Variants in DNAJB12 observed in about 807,000 individuals in gnomAD.
DNAJB12 encodes DnaJ heat shock protein family (Hsp40) member B12.
A neutral mutation model predicts 40.6 loss-of-function variants in DNAJB12; 14 were observed. The ratio of observed to expected loss-of-function variants is 0.34; its 90% CI spans 0.23 to 0.54. The LOEUF (loss-of-function observed/expected upper bound fraction) is 0.54. DNAJB12 is among the 20% of genes least tolerant of loss of function. DNAJB12 has a pLI of 0.92. For synonymous variants in DNAJB12, 181 were observed against 199.5 expected (o/e 0.91, Z 0.78); for missense variants, 444 against 501.7 (o/e 0.89, Z 1.10).
Position 72,341,102 on chromosome 10 carries a change from C to T in DNAJB12, c.526G>A (p.Asp176Asn). 6.2e-7 allele frequency: 1 copy of T among 1,614,194 alleles called. No individual in the cohort carries two copies. The change falls in exon 4 of 9, where the codon GAC becomes AAC. Residue 176 changes from aspartate (D) to asparagine (N), a missense_variant. Asp to Asn is a conservative substitution (Grantham distance 23, BLOSUM62 1). Transcript: ENST00000444643. Reference protein sequence around the residue: ...KRKQYDQFGDDKSQAARHGHG... With the variant: ...KRKQYDQFGDNKSQAARHGHG... ...CCGTGCCGGGCCGCCTGGCTCTTGT[C>T]ATCGCCGAACTGGTCATACTGCTTC...
At chr10:72,354,690 T>G in intron 1 of DNAJB12, 75 bp downstream of exon 1, 5 of 1,134,884 alleles carry the variant, frequency 4.4e-6, no homozygotes, top group Non-Finnish European at 6.3e-6. Context: ...CTCCCCCAAC[T>G]GCTCCCGTCG....
Position 72,345,569 on chromosome 10 carries a change from CAAAAAAAAA to C in DNAJB12, c.134-451_134-443del, listed in dbSNP as rs34465078. ...TGGGTGACAGAGTGAGACCCTGTCT[CAAAAAAAAA>C]AAAAAAAAAAAAATCCGGGCACAGT... On this transcript the variant is annotated intron_variant, in intron 1 of 8. Coordinates refer to ENST00000444643, the MANE Select transcript of DNAJB12 (RefSeq NM_017626.7). 7.7e-3 allele frequency among the ~76,000 whole-genome samples: 711 copies of C among 92,298 alleles called. 5 individuals are homozygous for C. The highest frequency in any genetic ancestry group is 0.024 in the African/African-American group (643 of 26,282). The allele number at this position is 92,298 out of a possible 152,430, so 60.6% of individuals were successfully genotyped here. A position where few individuals can be genotyped will look rare whatever the true frequency, so the allele number is the denominator to read the frequency against.
intron 1 of DNAJB12, among the ~76,000 whole-genome samples, chr10:72,350,795 T>C (rs1861916760): frequency 6.6e-6 from 1 of 152,194 alleles, no homozygotes; most frequent in African/African-American, 2.4e-5. Flanking sequence ...AGGAGTGCTC[T>C]GAGGGGTAAA....
In DNAJB12 at chr10:72,335,141, TG is replaced by T; in HGVS notation, c.*31-525del. The T allele has an allele frequency of 2.0e-6, 2 of 988,490 alleles. No individual in the cohort carries two copies. The highest frequency in any genetic ancestry group is 2.4e-6 in the Non-Finnish European group (2 of 831,550). 61.2% of individuals were successfully genotyped at this position (988,490 alleles called of 1,614,324 possible). ...TGCCTGTGGCTTCCAGGCTGCCAGG[TG>T]TGACGGCATTCGAGAGAGTGCCTCA... is the stretch of plus-strand genomic sequence containing the variant. On this transcript the variant is annotated intron_variant, in intron 8 of 8. Transcript: ENST00000444643. The surrounding 1 kb of genome is among the most constrained non-coding windows in gnomAD (Gnocchi z 4.4).
At chr10:72,337,895 T>G (rs1267577438) in intron 6 of DNAJB12, among the ~76,000 whole-genome samples, 1 of 152,086 alleles carries the variant, frequency 6.6e-6, no homozygotes, top group Non-Finnish European at 1.5e-5. Flanking sequence ...TGCATGTGTA[T>G]TATGTGTGTG....
Position 72,343,467 on chromosome 10 carries a change from C to T in DNAJB12, c.356G>A (p.Arg119Lys). ...CTTCAGGTCCTCATCCGAGGCCCCT[C>T]TGCTCACCCCCAGGATCTCATAGTA... ...KDYYEILGVS[R>K]GASDEDLKKA... Residue 119 changes from arginine to lysine, a missense_variant, in exon 3 of 9, where the codon AGA becomes AAA. Arg to Lys is a conservative substitution (Grantham distance 26). Transcript: ENST00000444643. 1 of 1,614,230 alleles carries T rather than the reference C, an allele frequency of 6.2e-7. No individual in the cohort carries two copies. The highest frequency in any genetic ancestry group is 2.2e-5 in the East Asian group (1 of 44,886).
rs778906846 is a variant in DNAJB12, at chr10:72,340,808, C to A, written c.704G>T (p.Arg235Leu). 2.5e-6 allele frequency: 4 copies of A among 1,613,946 alleles called. No homozygotes were observed. Among genetic ancestry groups the A allele is most frequent in the East Asian group, 2.2e-5 (1 of 44,900 alleles). ...ACTCACATCACCCTGGTTGTCCCTG[C>A]GGTCCTGCCTTTGCTGGTAGGTATA... ...MRYTYQQRQDRRDNQGDGGLG... is the reference protein window; with the variant it reads ...MRYTYQQRQDLRDNQGDGGLG... The change falls in exon 5 of 9, where the codon CGC becomes CTC. Residue 235 changes from arginine to leucine, a missense_variant. Arg to Leu is a moderately radical substitution (Grantham distance 102, BLOSUM62 -2). Coordinates refer to ENST00000444643, the MANE Select transcript of DNAJB12 (RefSeq NM_017626.7).
In DNAJB12 at chr10:72,341,097, C is replaced by G; in HGVS notation, c.531G>C (p.Lys177Asn). Residue 177 changes from lysine to asparagine, a missense_variant, in exon 4 of 9, where the codon AAG becomes AAC. Physicochemically the swap from Lys to Asn is moderately conservative, Grantham distance 94. Transcript: ENST00000444643. ...RKQYDQFGDD[K>N]SQAARHGHGH... ...CATGGCCGTGCCGGGCCGCCTGGCT[C>G]TTGTCATCGCCGAACTGGTCATACT... The G allele has an allele frequency of 1.2e-6, 2 of 1,614,204 alleles. No individual in the cohort carries two copies. Among genetic ancestry groups the G allele is most frequent in the Non-Finnish European group, 1.7e-6 (2 of 1,180,050 alleles).
rs891640631 is a variant in DNAJB12 at position 72,335,153 on chromosome 10, CGA to C, written c.*31-538_*31-537del. On this transcript the variant is annotated intron_variant, in intron 8 of 8. Transcript: ENST00000444643. The surrounding 1 kb of genome is among the most constrained non-coding windows in gnomAD (Gnocchi z 4.4). ...CCAGGCTGCCAGGTGTGACGGCATT[CGA>C]GAGAGTGCCTCAGATCCCACCAGAG... The C allele has an allele frequency of 6.4e-5, 63 of 988,366 alleles. No individual in the cohort carries two copies. In the African/African-American group the frequency reaches 7.7e-4, roughly 12 times the overall value. The allele number at this position is 988,366 out of a possible 1,614,324, so 61.2% of individuals were successfully genotyped here.
chr10:72,340,847 T>C lies in DNAJB12; in HGVS notation c.665A>G (p.Asn222Ser). 6.2e-7 allele frequency: 1 copy of C among 1,614,152 alleles called. No individual in the cohort carries two copies. Among genetic ancestry groups the C allele is most frequent in the Non-Finnish European group, 8.5e-7 (1 of 1,179,992 alleles). Reference sequence around the variant, plus strand: ...CTGGTAGGTATAGCGCATGCGGCCGTTGCTGTAGACGTGGACGTTACCTGG... The same window carrying C: ...CTGGTAGGTATAGCGCATGCGGCCGCTGCTGTAGACGTGGACGTTACCTGG... Reference protein sequence around the residue: ...FPSSNVHVYSNGRMRYTYQQR... With the variant: ...FPSSNVHVYSSGRMRYTYQQR... Residue 222 changes from asparagine to serine, a missense_variant, in exon 5 of 9, where the codon AAC becomes AGC. Asn to Ser is a conservative substitution (Grantham distance 46). Coordinates refer to ENST00000444643, the MANE Select transcript of DNAJB12 (RefSeq NM_017626.7).
At position 72,335,760 on chromosome 10, in the gene DNAJB12, G is replaced by C; in HGVS notation, c.*30+20C>G. 1 of 1,607,600 alleles carries C rather than the reference G, an allele frequency of 6.2e-7. No individual in the cohort carries two copies. The highest frequency in any genetic ancestry group is 8.5e-7 in the Non-Finnish European group (1 of 1,176,046). Reference sequence around the variant, plus strand: ...CAAAGCTGCCAGGAGTTGCAGGGTGGAGGCAGCCCTGGCTCATACTTGGAC... The same window carrying C: ...CAAAGCTGCCAGGAGTTGCAGGGTGCAGGCAGCCCTGGCTCATACTTGGAC... On this transcript the variant is annotated intron_variant, in intron 8 of 8. Transcript: ENST00000444643. The surrounding 1 kb of genome is among the most constrained non-coding windows in gnomAD (Gnocchi z 4.4).
At chr10:72,351,967 C>T (rs1453627132) in intron 1 of DNAJB12, among the ~76,000 whole-genome samples, 2 of 152,194 alleles carry the variant, frequency 1.3e-5, no homozygotes, top group African/African-American at 4.8e-5. Flanking sequence ...ATCTGATTCT[C>T]CTCTGCACCT....
Position 72,341,103 on chromosome 10 carries a change from A to C in DNAJB12, c.525T>G (p.Asp175Glu), listed in dbSNP as rs370734886. 3.0e-5 allele frequency: 49 copies of C among 1,614,182 alleles called. No individual in the cohort carries two copies. Among genetic ancestry groups the C allele is most frequent in the Admixed American group, 5.0e-5 (3 of 60,030 alleles). ...EKRKQYDQFG[D>E]DKSQAARHGH... ...CGTGCCGGGCCGCCTGGCTCTTGTC[A>C]TCGCCGAACTGGTCATACTGCTTCC... The change falls in exon 4 of 9, where the codon GAT (aspartate) becomes GAG (glutamate). Residue 175 changes from aspartate (D) to glutamate (E), a missense_variant. Coordinates refer to ENST00000444643, the MANE Select transcript of DNAJB12 (RefSeq NM_017626.7).
At chr10:72,340,318 G>C (rs1431488244) in intron 5 of DNAJB12, among the ~76,000 whole-genome samples, 1 of 151,960 alleles carries the variant, frequency 6.6e-6, no homozygotes, top group Admixed American at 6.5e-5. Context: ...CACTCAGCCT[G>C]GGCGAGAGAG....
chr10:72,347,913 A>T (rs1861837270), intron 1 of DNAJB12, among the ~76,000 whole-genome samples: 1 of 151,584 alleles, frequency 6.6e-6, no homozygotes, highest in Non-Finnish European at 1.5e-5. Context: ...ACTCTGTCTC[A>T]GAAAAACAAA....
In DNAJB12 at chr10:72,334,448, G is replaced by C. The variant is rs1325539740; in HGVS notation, c.*200C>G. 7.2e-6 allele frequency: 8 copies of C among 1,105,630 alleles called. No homozygotes were observed. The South Asian group carries it at 9.5e-5, about 13-fold the overall frequency. 68.5% of individuals were successfully genotyped at this position (1,105,630 alleles called of 1,614,324 possible). A position where few individuals can be genotyped will look rare whatever the true frequency, so the allele number is the denominator to read the frequency against. ...GAAGCAGCCCCATGGCAGGTTTTCT[G>C]TCTGTCCTAAGAGCTTTCTGCATTT... On this transcript the variant is annotated 3_prime_UTR_variant, in exon 9 of 9. Coordinates refer to ENST00000444643, the MANE Select transcript of DNAJB12 (RefSeq NM_017626.7).
intron 1 of DNAJB12, among the ~76,000 whole-genome samples, chr10:72,349,663 G>A (rs1223462162): frequency 1.3e-5 from 2 of 152,186 alleles, no homozygotes; most frequent in African/African-American, 4.8e-5. Flanking sequence ...CCAGAGATGA[G>A]CAGGAGCACT....
At chr10:72,336,833 G>A (rs199591100) in intron 6 of DNAJB12, 137 bp from the exon 7 acceptor site, 22 of 661,122 alleles carry the variant, frequency 3.3e-5, no homozygotes, top group South Asian at 1.8e-4. Flanking sequence ...GCAGGGACCC[G>A]CACACTCCCT....
chr10:72,351,044 T>C (rs1267082911), intron 1 of DNAJB12, among the ~76,000 whole-genome samples: 3 of 152,186 alleles, frequency 2.0e-5, no homozygotes, highest in Admixed American at 6.5e-5. Context: ...GAACATTGGA[T>C]AGCCTGAGCT....
Sources: gnomAD v4.1 joint callset for allele counts (sites outside exome capture counted in the v4.1 genomes callset) on GRCh38, gnomAD v4.1.1 for gene constraint, Gnocchi (gnomAD v3.1) non-coding constraint, MANE v1.5 for transcripts, NCBI Gene and HGNC (gene_info 2026-07-23, HGNC 2026-07-21) for gene names.